ABR: variants seen among roughly 807,000 people sequenced by gnomAD.
The protein encoded by ABR is active breakpoint cluster region-related protein.
ABR carries 35 observed loss-of-function variants against 107.2 expected under a neutral mutation model. That is an observed-to-expected ratio of 0.33 (90% CI 0.25 to 0.43). The LOEUF (loss-of-function observed/expected upper bound fraction) is 0.43, where lower values mean the gene tolerates loss of function less well. ABR is among the 20% of genes least tolerant of loss of function. ABR has a pLI of 1.00. For missense variants in ABR, 815 were observed against 1,115.2 expected (o/e 0.73, Z 3.83); for synonymous variants, 498 against 462.0 (o/e 1.08, Z -1.00).
intron 1 of ABR, among the ~76,000 whole-genome samples, chr17:1,220,403 C>T (rs75758739): frequency 0.043 from 6,538 of 152,242 alleles, 205 homozygotes; most frequent in East Asian, 0.13. Context: ...TAGCGAGCGT[C>T]GAATGGGAAG....
intron 1 of ABR, among the ~76,000 whole-genome samples, chr17:1,197,514 C>A (rs1211596872): frequency 6.6e-6 from 1 of 151,666 alleles, no homozygotes; most frequent in African/African-American, 2.4e-5. Context: ...ACCCTAATCC[C>A]CTTCTCGTGG....
intron 2 of ABR, among the ~76,000 whole-genome samples, chr17:1,107,103 TG>T (rs774229315): frequency 2.6e-5 from 4 of 152,252 alleles, no homozygotes; most frequent in Non-Finnish European, 5.9e-5. Context: ...GCAGGGAGCC[TG>T]GAACTCCCCG....
chr17:1,025,857 G>A (rs763614964), intron 16 of ABR, among the ~76,000 whole-genome samples: 1 of 152,156 alleles, frequency 6.6e-6, no homozygotes, highest in South Asian at 2.1e-4. Context: ...CCTAGTTCCT[G>A]CAGGCCTGGC....
intron 21 of ABR, among the ~76,000 whole-genome samples, chr17:1,008,977 A>G (rs927144364): frequency 6.6e-6 from 1 of 152,176 alleles, no homozygotes; most frequent in African/African-American, 2.4e-5. Flanking sequence ...TACTAACCCA[A>G]GCAAGTCTCC....
intron 4 of ABR, among the ~76,000 whole-genome samples, chr17:1,088,384 G>A (rs1196117025): frequency 6.6e-6 from 1 of 151,840 alleles, no homozygotes; most frequent in Non-Finnish European, 1.5e-5. Flanking sequence ...GGGAGCAGGG[G>A]GGGGTATGCT....
intron 11 of ABR, 33 bp from the exon 12 acceptor site, chr17:1,058,078 C>A: frequency 6.4e-7 from 1 of 1,564,012 alleles, no homozygotes; most frequent in Non-Finnish European, 8.8e-7. Context: ...AAGTGGGTGA[C>A]CACAGTCAGG....
At chr17:1,123,311 G>A (rs1014093109) in intron 2 of ABR, among the ~76,000 whole-genome samples, 4 of 152,166 alleles carry the variant, frequency 2.6e-5, no homozygotes, top group African/African-American at 9.7e-5. Flanking sequence ...GGGGCCACAA[G>A]CACTTTAGGG....
chr17:1,006,039 G>A lies in ABR; in HGVS notation c.*41C>T. 1.1e-5 allele frequency: 17 copies of A among 1,497,012 alleles called. No homozygotes were observed. Among genetic ancestry groups the A allele is most frequent in the African/African-American group, 2.8e-5 (2 of 71,904 alleles). The allele number at this position is 1,497,012 out of a possible 1,614,324, so 92.7% of individuals were successfully genotyped here. On this transcript the variant is annotated 3_prime_UTR_variant, in exon 23 of 23. Coordinates refer to ENST00000302538, the MANE Select transcript of ABR (RefSeq NM_021962.5). ...GTCTGAGTTGGACCCCAGGCTGGAG[G>A]GGCTGGTTCCACCACCCGCCCGCAG...
intron 1 of ABR, among the ~76,000 whole-genome samples, chr17:1,202,677 T>C (rs74617997): frequency 1.8e-3 from 268 of 152,194 alleles, no homozygotes; most frequent in Middle Eastern, 6.8e-3. Context: ...AGGTGATCCA[T>C]AGCCATCTAC....
intron 16 of ABR, among the ~76,000 whole-genome samples, chr17:1,036,876 G>C (rs772332041): frequency 1.1e-4 from 17 of 152,146 alleles, no homozygotes; most frequent in Non-Finnish European, 1.6e-4. Context: ...CCACCCATCG[G>C]ATACCTCTGG....
chr17:1,029,460 C>T (rs746508667), intron 16 of ABR, among the ~76,000 whole-genome samples: 3 of 152,154 alleles, frequency 2.0e-5, no homozygotes, highest in Admixed American at 2.0e-4. Flanking sequence ...GGATGAGTCA[C>T]GCCCCGCCTC....
chr17:1,062,430 T>C, intron 10 of ABR, among the ~76,000 whole-genome samples: 2 of 141,568 alleles, frequency 1.4e-5, no homozygotes, highest in African/African-American at 5.2e-5. Context: ...CTGAGGGCTA[T>C]GCATGTTCCT....
At chr17:1,088,486 T>C (rs1456521888) in intron 4 of ABR, among the ~76,000 whole-genome samples, 3 of 138,422 alleles carry the variant, frequency 2.2e-5, no homozygotes, top group African/African-American at 7.7e-5. Flanking sequence ...ATAATAATAA[T>C]AATAATAATG....
At chr17:1,127,635 C>G (rs2039655193) in intron 1 of ABR, among the ~76,000 whole-genome samples, 2 of 152,164 alleles carry the variant, frequency 1.3e-5, no homozygotes, top group Admixed American at 1.3e-4. Flanking sequence ...CCTGTTGGTG[C>G]CTGGAGTCCA....
intron 1 of ABR, among the ~76,000 whole-genome samples, chr17:1,224,473 A>G (rs4075436): frequency 0.6 from 91,678 of 151,892 alleles, 28,941 homozygotes; most frequent in African/African-American, 0.78. Context: ...AAACCCTGAG[A>G]CTAAGGCAAA....
intron 1 of ABR, among the ~76,000 whole-genome samples, chr17:1,217,947 G>A (rs566859964): frequency 7.2e-5 from 11 of 151,996 alleles, no homozygotes; most frequent in Non-Finnish European, 1.0e-4. Flanking sequence ...CGCCCGCCTC[G>A]GCCTCCCAAA....
intron 1 of ABR, among the ~76,000 whole-genome samples, chr17:1,196,159 G>T (rs1340205769): frequency 2.0e-5 from 3 of 149,808 alleles, no homozygotes; most frequent in African/African-American, 7.5e-5. Context: ...GCAAGGTGCG[G>T]TGGCTCACGC....
intron 1 of ABR, 117 bp from the exon 2 acceptor site, chr17:1,125,484 A>G: frequency 8.4e-7 from 1 of 1,194,824 alleles, no homozygotes; most frequent in South Asian, 1.3e-5. Context: ...CGCACCATCC[A>G]CGCCTGGCCC....
At position 1,084,448 on chromosome 17, in the gene ABR, C is replaced by T. The variant is rs185536659; in HGVS notation, c.532-821G>A. Reference sequence around the variant, plus strand: ...CTTGGCCTTGAGGCCCCGTCCTCACCTCTTCCACCTCCTCTACCTCCAAGG... The same window carrying T: ...CTTGGCCTTGAGGCCCCGTCCTCACTTCTTCCACCTCCTCTACCTCCAAGG... On this transcript the variant is annotated intron_variant, in intron 4 of 22. Transcript: ENST00000302538. The surrounding 1 kb of genome is among the most constrained non-coding windows in gnomAD (Gnocchi z 4.2). 5.0e-4 allele frequency among the ~76,000 whole-genome samples: 76 copies of T among 152,310 alleles called. 1 individual carries two copies. Among genetic ancestry groups the T allele is most frequent in the African/African-American group, 1.7e-3 (69 of 41,574 alleles).
Sources: gnomAD v4.1 joint callset for allele counts (sites outside exome capture counted in the v4.1 genomes callset) on GRCh38, gnomAD v4.1.1 for gene constraint, Gnocchi (gnomAD v3.1) non-coding constraint, MANE v1.5 for transcripts, NCBI Gene and HGNC (gene_info 2026-07-23, HGNC 2026-07-21) for gene names.